The following OFD1 variants were observed in gnomAD, a reference collection of about 807,000 sequenced individuals.
OFD1 encodes centriole and centriolar satellite protein OFD1.
Under a neutral mutation model 81.4 loss-of-function variants are expected in OFD1, and 12 were observed. The ratio of observed to expected loss-of-function variants is 0.15; its 90% CI spans 0.09 to 0.24. The LOEUF (loss-of-function observed/expected upper bound fraction) is 0.24. Among genes scored for constraint, OFD1 ranks in the 10% least tolerant of loss-of-function variants. OFD1 has a pLI of 1.00. For missense variants in OFD1, 685 were observed against 733.9 expected, an observed-to-expected ratio of 0.93 and a Z score of 0.77; for synonymous variants, 256 against 263.7, an observed-to-expected ratio of 0.97 and a Z score of 0.28.
the OFD1 span, chrX:13,715,810 T>C: frequency 4.2e-6 from 4 of 955,966 alleles, no homozygotes; most frequent in East Asian, 4.5e-5. Flanking sequence ...TACCATGAAG[T>C]TGTGTTCCTA....
Position 13,757,691 on chromosome X carries a change from C to A in OFD1, c.1443C>A (p.Val481=). 8.3e-7 allele frequency: 1 copy of A among 1,206,550 alleles called. No homozygotes were observed. Among genetic ancestry groups the A allele is most frequent in the Non-Finnish European group, 1.1e-6 (1 of 893,774 alleles). ...CTCAGCCGGCTCCTGAACTTGCAGT[C>A]TTTCAGAAAGAACTACGGAAAGCCG... ...RLAQPAPELA[V]FQKELRKAEK... The change falls in exon 14 of 23, where the codon GTC becomes GTA. Residue 481 remains valine (V), a synonymous_variant. Transcript: ENST00000340096.
rs781484868 is a variant in OFD1 at position 13,739,775 on chromosome X, C to T, written c.412+743C>T. ...AAAAAAAAAAAAATGTTTATATAGA[C>T]CTAATAAATTGCCTTAATTTTGGCC... On this transcript the variant is annotated intron_variant, in intron 5 of 22. Coordinates refer to ENST00000340096, the MANE Select transcript of OFD1 (RefSeq NM_003611.3). The T allele has an allele frequency of 1.1e-5, 8 of 728,421 alleles. No individual in the cohort carries two copies. In the Admixed American group the frequency reaches 6.2e-4, roughly 56 times the overall value. The allele number at this position is 728,421 out of a possible 1,213,427, so 60.0% of individuals were successfully genotyped here.
In OFD1 at chrX:13,734,841, C is replaced by T; in HGVS notation, c.-231C>T. The T allele has an allele frequency of 1.8e-6, 2 of 1,083,325 alleles. No individual in the cohort carries two copies. Among genetic ancestry groups the T allele is most frequent in the Admixed American group, 3.8e-5 (1 of 25,975 alleles). The allele number at this position is 1,083,325 out of a possible 1,213,427, so 89.3% of individuals were successfully genotyped here. A position where few individuals can be genotyped will look rare whatever the true frequency, so the allele number is the denominator to read the frequency against. ...CCTTTGAGTCGTGCCTGGGTCCTCG[C>T]CCTTGCCTCAGAACCGCGAAGAAAG... On this transcript the variant is annotated 5_prime_UTR_variant, in exon 1 of 23. Coordinates refer to ENST00000340096, the MANE Select transcript of OFD1 (RefSeq NM_003611.3).
At chrX:13,721,004 G>C in the OFD1 span, 3 of 93,440 alleles carry the variant, frequency 3.2e-5, no homozygotes, top group African/African-American at 1.2e-4. Flanking sequence ...TCCAGTCTAA[G>C]TGACAAAATG....
chrX:13,760,688 AAAG>A lies in OFD1; in HGVS notation c.2232_2234del (p.Arg744del), dbSNP rs778924890. 2.5e-6 allele frequency: 3 copies of A among 1,211,373 alleles called. No homozygotes were observed. Among genetic ancestry groups the A allele is most frequent in the Non-Finnish European group, 3.4e-6 (3 of 895,387 alleles). On this transcript the variant is annotated inframe_deletion, in exon 16 of 23. Transcript: ENST00000340096. Reference sequence around the variant, plus strand: ...TCTTCCACACCCCTTCCAAAAGCAAAAAGAAGCCTCGAAAGTGAAATGTATCTG... The same window carrying A: ...TCTTCCACACCCCTTCCAAAAGCAAAAAGCCTCGAAAGTGAAATGTATCTG...
At chrX:13,757,869 G>C in intron 14 of OFD1, 79 bp downstream of exon 14, 1 of 1,055,449 alleles carries the variant, frequency 9.5e-7, no homozygotes, top group Admixed American at 2.2e-5. Flanking sequence ...AGTCACACTA[G>C]TGTAAATCAG....
At chrX:13,762,213 G>A (rs2047961627) in intron 17 of OFD1, 131 bp from the exon 18 acceptor site, 11 of 506,535 alleles carry the variant, frequency 2.2e-5, no homozygotes, top group Non-Finnish European at 3.9e-5. Flanking sequence ...TGGTGAGGTG[G>A]AGCTATTTAC....
At chrX:13,734,646 T>C (rs1192767467), upstream of OFD1, 1 of 892,387 alleles carries the variant, frequency 1.1e-6, no homozygotes, top group Non-Finnish European at 1.4e-6. Flanking sequence ...GCTCTCGCGA[T>C]ACGTAGGCGG....
chrX:13,720,869 T>C, the OFD1 span: 1 of 109,683 alleles, frequency 9.1e-6, no homozygotes, highest in Non-Finnish European at 1.9e-5. Flanking sequence ...CTACATGAAA[T>C]ACAAAAAGTA....
chrX:13,716,851 A>G, the OFD1 span: 2 of 466,705 alleles, frequency 4.3e-6, no homozygotes, highest in Non-Finnish European at 7.1e-6. Context: ...ATTATATTCT[A>G]TTTTTAAATT....
intron 5 of OFD1, among the ~76,000 whole-genome samples, chrX:13,742,279 A>G (rs931458687): frequency 6.3e-5 from 7 of 111,598 alleles, no homozygotes; most frequent in Non-Finnish European, 1.1e-4. Flanking sequence ...TTGGATATTC[A>G]TATGCGCAAA....
At position 13,760,738 on chromosome X, in the gene OFD1, A is replaced by G; in HGVS notation, c.2260+18A>G. The G allele has an allele frequency of 8.3e-7, 1 of 1,210,179 alleles. No individual in the cohort carries two copies. Among genetic ancestry groups the G allele is most frequent in the Non-Finnish European group, 1.1e-6 (1 of 894,681 alleles). ...TCTGGAAGGTAAGCCACCCGCACAA[A>G]GGGTTGCGGGGTGCTCTGGAGTTGG... On this transcript the variant is annotated intron_variant, in intron 16 of 22. Transcript: ENST00000340096.
the OFD1 span, chrX:13,716,472 T>C: frequency 8.6e-7 from 1 of 1,166,542 alleles, no homozygotes; most frequent in African/African-American, 1.8e-5. Flanking sequence ...CTATGTTCCA[T>C]GTTCTTCTGG....
In OFD1 at chrX:13,758,410, T is replaced by C. The variant is rs1046229128; in HGVS notation, c.1616T>C (p.Val539Ala). The change falls in exon 15 of 23, where the codon GTT becomes GCT. Residue 539 changes from valine to alanine, a missense_variant. Val to Ala is a moderately conservative substitution (Grantham distance 64). This residue lies in a region of OFD1 where 414 missense variants were observed against 447.2 expected (regional missense o/e 0.93). Transcript: ENST00000340096. ...TCTGTAAAGAGTTTAACTACTCAGG[T>C]TGCCGATTTAAAATTGCAACTGAAG... Reference protein sequence around the residue: ...KASVKSLTTQVADLKLQLKQT... With the variant: ...KASVKSLTTQAADLKLQLKQT... The C allele has an allele frequency of 2.9e-5, 35 of 1,205,881 alleles. No homozygotes were observed. The highest frequency in any genetic ancestry group is 3.7e-5 in the Non-Finnish European group (33 of 890,877).
chrX:13,752,965 G>A (rs755907199), intron 10 of OFD1: 535 of 900,915 alleles, frequency 5.9e-4, no homozygotes, highest in Non-Finnish European at 7.1e-4. Flanking sequence ...CCTTGGTTGG[G>A]GGTGGGCAGA....
downstream of OFD1, chrX:13,773,326 T>A (rs1242379518): frequency 3.7e-4 from 66 of 180,377 alleles, no homozygotes; most frequent in African/African-American, 1.8e-3. Flanking sequence ...TTTTTTTTTT[T>A]AATACCATTT....
downstream of OFD1, among the ~76,000 whole-genome samples, chrX:13,770,653 G>C (rs998385244): frequency 8.9e-6 from 1 of 112,125 alleles, no homozygotes; most frequent in African/African-American, 3.2e-5. Flanking sequence ...AAGCTTTGTT[G>C]ATCCTATAGG....
chrX:13,723,417 C>G, the OFD1 span, among the ~76,000 whole-genome samples: 1 of 111,436 alleles, frequency 9.0e-6, no homozygotes, highest in Admixed American at 9.5e-5. Context: ...ATCTGCCCAC[C>G]TTGGCCTCCC....
At position 13,767,351 on chromosome X, in the gene OFD1, C is replaced by G. The variant is rs2048168762; in HGVS notation, c.2757+67C>G. ...GTACACCTTTCGTAAGTACATTGAG[C>G]TCAGGGAGGGGAGTCAATTGGTGTA... On this transcript the variant is annotated intron_variant, in intron 20 of 22. Transcript: ENST00000340096. 1.4e-5 allele frequency: 15 copies of G among 1,104,096 alleles called. No individual in the cohort carries two copies. In the South Asian group the frequency reaches 2.4e-4, roughly 18 times the overall value. 91.0% of individuals were successfully genotyped at this position (1,104,096 alleles called of 1,213,427 possible).
Sources: allele counts gnomAD v4.1 joint callset (sites outside exome capture counted in the v4.1 genomes callset), GRCh38; gene constraint gnomAD v4.1.1; regional missense constraint gnomAD v4.1.1; transcripts MANE v1.5; gene names NCBI Gene and HGNC (gene_info 2026-07-23, HGNC 2026-07-21).